KCNH1: variants seen among roughly 807,000 people sequenced by gnomAD.
KCNH1 encodes potassium voltage-gated channel subfamily H member 1, also known as voltage-gated delayed rectifier potassium channel KCNH1.
Under a neutral mutation model 69.2 loss-of-function variants are expected in KCNH1, and 27 were observed. That is an observed-to-expected ratio of 0.39 (90% CI 0.29 to 0.54). The LOEUF (loss-of-function observed/expected upper bound fraction) is 0.54. KCNH1 is among the 20% of genes least tolerant of loss of function. The pLI, the probability that KCNH1 is intolerant of heterozygous loss-of-function variation, is 0.68. For missense variants in KCNH1, 798 were observed against 1,261.6 expected, an observed-to-expected ratio of 0.63 and a Z score of 5.57; for synonymous variants, 456 against 487.7, an observed-to-expected ratio of 0.93 and a Z score of 0.86.
intron 4 of KCNH1, among the ~76,000 whole-genome samples, chr1:211,083,585 C>T (rs1447663061): frequency 6.6e-6 from 1 of 152,182 alleles, no homozygotes; most frequent in African/African-American, 2.4e-5. Context: ...CAACACTCAA[C>T]AACCCATCTG....
At chr1:210,942,401 G>GA (rs60325750) in intron 6 of KCNH1, among the ~76,000 whole-genome samples, 9 of 152,070 alleles carry the variant, frequency 5.9e-5, no homozygotes, top group Non-Finnish European at 1.0e-4. Context: ...TATAAAGTAG[G>GA]AAAAATGCAT....
At chr1:211,081,776 C>G (rs1342016400) in intron 5 of KCNH1, among the ~76,000 whole-genome samples, 6 of 152,120 alleles carry the variant, frequency 3.9e-5, no homozygotes, top group Admixed American at 2.0e-4. Flanking sequence ...AATGAGAACA[C>G]TTGGACACAG....
chr1:210,766,242 G>A (rs1488079690), intron 10 of KCNH1, among the ~76,000 whole-genome samples: 2 of 151,804 alleles, frequency 1.3e-5, no homozygotes, highest in African/African-American at 4.8e-5. Context: ...TCAGAGAAGT[G>A]TGGCCAGGTA....
intron 10 of KCNH1, among the ~76,000 whole-genome samples, chr1:210,754,841 C>CAG (rs61196743): frequency 0.81 from 121,684 of 151,026 alleles, 49,043 homozygotes; most frequent in East Asian, 0.88. Flanking sequence ...CAAGTACACA[C>CAG]GGGCACACAC....
chr1:211,054,641 T>C (rs1349064510), intron 5 of KCNH1, among the ~76,000 whole-genome samples: 1 of 152,228 alleles, frequency 6.6e-6, no homozygotes, highest in African/African-American at 2.4e-5. Context: ...GACAGTACTT[T>C]AGAGTTAAAA....
At chr1:210,697,627 C>G (rs1279873582) in intron 10 of KCNH1, among the ~76,000 whole-genome samples, 2 of 152,266 alleles carry the variant, frequency 1.3e-5, no homozygotes. Flanking sequence ...TAGTCTGACC[C>G]TGGCAGACTG....
intron 7 of KCNH1, among the ~76,000 whole-genome samples, chr1:210,868,175 G>A (rs1177445572): frequency 6.6e-6 from 1 of 151,994 alleles, no homozygotes; most frequent in Non-Finnish European, 1.5e-5. Flanking sequence ...ATCTCATGTA[G>A]TTTTCAATTG....
At chr1:210,928,590 C>A (rs1450290540) in intron 6 of KCNH1, among the ~76,000 whole-genome samples, 3 of 152,130 alleles carry the variant, frequency 2.0e-5, no homozygotes, top group Non-Finnish European at 4.4e-5. Flanking sequence ...AAGTTCATAG[C>A]CTTAAGTGTC....
chr1:210,978,238 C>A (rs967349351), intron 6 of KCNH1, among the ~76,000 whole-genome samples: 3 of 152,068 alleles, frequency 2.0e-5, no homozygotes, highest in Non-Finnish European at 4.4e-5. Flanking sequence ...CAGGGTTTCA[C>A]CATGTTAGCC....
chr1:211,009,617 C>CTT (rs200927051), intron 6 of KCNH1, among the ~76,000 whole-genome samples: 1 of 136,978 alleles, frequency 7.3e-6, no homozygotes, highest in African/African-American at 2.7e-5. Context: ...TTTTTTTTTT[C>CTT]TTTTTTTTTG....
At chr1:210,764,415 AAC>A (rs1683582808) in intron 10 of KCNH1, among the ~76,000 whole-genome samples, 1 of 152,180 alleles carries the variant, frequency 6.6e-6, no homozygotes, top group Non-Finnish European at 1.5e-5. Context: ...AGAAACTATG[AAC>A]AGAGTAAACA....
chr1:210,875,362 T>C (rs1686347163), intron 7 of KCNH1, among the ~76,000 whole-genome samples: 1 of 152,212 alleles, frequency 6.6e-6, no homozygotes, highest in Non-Finnish European at 1.5e-5. Flanking sequence ...TGAAGAGTCA[T>C]AATGATTAGA....
chr1:210,878,282 C>G (rs1686423946), intron 7 of KCNH1, among the ~76,000 whole-genome samples: 1 of 151,948 alleles, frequency 6.6e-6, no homozygotes, highest in Non-Finnish European at 1.5e-5. Flanking sequence ...TCAAAAGCAT[C>G]ATTAGTCAAC....
rs561757673 is a variant in KCNH1, at chr1:210,702,258, A to T, written c.2113-18120T>A. ...CCCTTGGTGGCCCTGCAATCTGAGGATTCTTGTTCTTCAGCTCTGAAAAGT... is the reference window on the plus strand; with the variant it reads ...CCCTTGGTGGCCCTGCAATCTGAGGTTTCTTGTTCTTCAGCTCTGAAAAGT... On this transcript the variant is annotated intron_variant, in intron 10 of 10. Coordinates refer to ENST00000271751, the MANE Select transcript of KCNH1 (RefSeq NM_172362.3). Among the ~76,000 whole-genome samples the T allele has an allele frequency of 3.3e-5, 5 of 152,246 alleles. No individual in the cohort carries two copies. The East Asian group carries it at 9.7e-4, about 29-fold the overall frequency.
chr1:211,106,127 G>A (rs1691343290), intron 2 of KCNH1, among the ~76,000 whole-genome samples: 1 of 152,208 alleles, frequency 6.6e-6, no homozygotes, highest in Admixed American at 6.5e-5. Flanking sequence ...CTTCATAGAT[G>A]AGTTTGTTTC....
chr1:210,985,477 G>T (rs930447217), intron 6 of KCNH1, among the ~76,000 whole-genome samples: 2 of 152,106 alleles, frequency 1.3e-5, no homozygotes, highest in African/African-American at 4.8e-5. Flanking sequence ...ATTCTGGTAT[G>T]TTGTGTCTTT....
At chr1:211,002,895 A>G (rs1220915437) in intron 6 of KCNH1, among the ~76,000 whole-genome samples, 1 of 152,168 alleles carries the variant, frequency 6.6e-6, no homozygotes, top group East Asian at 1.9e-4. Flanking sequence ...AGTTATAAGG[A>G]GATAAAGTTA....
At position 211,079,094 on chromosome 1, in the gene KCNH1, G is replaced by C. The variant is rs1222595361; in HGVS notation, c.558+3686C>G. Among the ~76,000 whole-genome samples the C allele has an allele frequency of 2.0e-5, 3 of 151,728 alleles. No individual in the cohort carries two copies. In the East Asian group the frequency reaches 5.8e-4, roughly 29 times the overall value. On this transcript the variant is annotated intron_variant, in intron 5 of 10. Coordinates refer to ENST00000271751, the MANE Select transcript of KCNH1 (RefSeq NM_172362.3). ...CAAGACTAATAAAGAAGGAAAGAGA[G>C]AAGAATCAAATAGACACAATAAAAA... is the stretch of plus-strand genomic sequence containing the variant.
At chr1:210,820,517 T>G (rs1277609505) in intron 7 of KCNH1, among the ~76,000 whole-genome samples, 1 of 152,014 alleles carries the variant, frequency 6.6e-6, no homozygotes, top group African/African-American at 2.4e-5. Context: ...ACCTGTAGTC[T>G]CAGCTTCTCA....
Sources: gnomAD v4.1 joint callset for allele counts (sites outside exome capture counted in the v4.1 genomes callset) on GRCh38, gnomAD v4.1.1 for gene constraint, MANE v1.5 for transcripts, NCBI Gene and HGNC (gene_info 2026-07-23, HGNC 2026-07-21) for gene names.